ATP8B4: variants seen among roughly 807,000 people sequenced by gnomAD.
ATP8B4 encodes the protein probable phospholipid-transporting ATPase IM.
Under a neutral mutation model 145.6 loss-of-function variants are expected in ATP8B4, and 133 were observed. The observed-to-expected ratio is 0.91, with a 90% confidence interval of 0.79 to 1.05. ATP8B4 has a LOEUF of 1.05. Among genes scored for constraint, ATP8B4 ranks in the 50% least tolerant of loss-of-function variants. The pLI is 0.00. For missense variants in ATP8B4, 1,458 were observed against 1,425.2 expected (o/e 1.02, Z -0.37); for synonymous variants, 507 against 492.9 (o/e 1.03, Z -0.38).
Position 49,975,872 on chromosome 15 carries a change from T to TCC in ATP8B4, c.1035-3083_1035-3082insGG, listed in dbSNP as rs2045612464. On this transcript the variant is annotated intron_variant, in intron 12 of 27. Transcript: ENST00000284509. ...ATATTTCAGTTTCACGTCTTTGTAA[T>TCC]TTACAAGGATATCCAGAACAGTAGA... Among the ~76,000 whole-genome samples, 7 of 152,266 alleles carry TCC rather than the reference T, an allele frequency of 4.6e-5. No individual in the cohort carries two copies. In the South Asian group the frequency reaches 1.0e-3, roughly 23 times the overall value.
chr15:50,098,438 C>T (rs1334296138), intron 2 of ATP8B4, among the ~76,000 whole-genome samples: 1 of 151,572 alleles, frequency 6.6e-6, no homozygotes, highest in East Asian at 1.9e-4. Context: ...AACCATGCCA[C>T]CATGCCCAGC....
At chr15:50,180,692 CG>C (rs1054418273) in intron 1 of ATP8B4, among the ~76,000 whole-genome samples, 60 of 152,156 alleles carry the variant, frequency 3.9e-4, no homozygotes, top group African/African-American at 1.4e-3. Context: ...TGGTTTCTGT[CG>C]GGCCCTCACT....
At chr15:50,042,059 G>A (rs1458028418) in intron 5 of ATP8B4, among the ~76,000 whole-genome samples, 1 of 151,902 alleles carries the variant, frequency 6.6e-6, no homozygotes, top group Non-Finnish European at 1.5e-5. Flanking sequence ...GGAGGCTGAG[G>A]CAAGAGAATT....
chr15:50,177,123 C>T lies in ATP8B4; in HGVS notation c.-43+5138G>A, dbSNP rs191152643. Among the ~76,000 whole-genome samples, 7 of 152,302 alleles carry T rather than the reference C, an allele frequency of 4.6e-5. No homozygotes were observed. The East Asian group carries it at 1.3e-3, about 29-fold the overall frequency. On this transcript the variant is annotated intron_variant, in intron 1 of 3. Coordinates refer to the ATP8B4 transcript ENST00000558829. ...CAGAGATTATTCTTCCCACAAACCA[C>T]TGAATGAGTCAGTCACACAAAATTT...
At chr15:49,906,824 G>C (rs1481701662) in intron 20 of ATP8B4, among the ~76,000 whole-genome samples, 1 of 152,190 alleles carries the variant, frequency 6.6e-6, no homozygotes, top group Non-Finnish European at 1.5e-5. Context: ...CCTAGGGAAA[G>C]GGGACTTTGA....
intron 1 of ATP8B4, among the ~76,000 whole-genome samples, chr15:50,141,962 T>C (rs1467911287): frequency 6.6e-6 from 1 of 152,110 alleles, no homozygotes. Flanking sequence ...GGAGGGCACA[T>C]AAGGCTTCAC....
intron 6 of ATP8B4, among the ~76,000 whole-genome samples, chr15:50,024,662 G>A (rs1232847043): frequency 6.6e-6 from 1 of 152,216 alleles, no homozygotes; most frequent in Admixed American, 6.5e-5. Context: ...CTTCTCCACT[G>A]GGTGTCTAGG....
chr15:50,132,104 C>T (rs1273491899), intron 1 of ATP8B4, among the ~76,000 whole-genome samples: 1 of 151,972 alleles, frequency 6.6e-6, no homozygotes, highest in African/African-American at 2.4e-5. Flanking sequence ...TTTGGCACCC[C>T]CGAAACCAAC....
intron 14 of ATP8B4, among the ~76,000 whole-genome samples, chr15:49,945,374 T>A (rs1445330090): frequency 6.6e-6 from 1 of 152,092 alleles, no homozygotes; most frequent in African/African-American, 2.4e-5. Context: ...ATCTGAAACC[T>A]CCTGACAAAG....
intron 1 of ATP8B4, among the ~76,000 whole-genome samples, chr15:50,161,569 A>C (rs149834514): frequency 0.013 from 1,901 of 152,032 alleles, 51 homozygotes; most frequent in Non-Finnish European, 0.011. Flanking sequence ...CTTGTAAATA[A>C]TATGTCATAA....
intron 14 of ATP8B4, among the ~76,000 whole-genome samples, chr15:49,936,324 A>G (rs2041732951): frequency 6.6e-6 from 1 of 152,148 alleles, no homozygotes; most frequent in South Asian, 2.1e-4. Flanking sequence ...TTGTTGTAGC[A>G]TATCTTAAAC....
At chr15:50,029,255 A>AAAAAAAAAAAAAC (rs776952913) in intron 6 of ATP8B4, among the ~76,000 whole-genome samples, 67 of 141,098 alleles carry the variant, frequency 4.7e-4, no homozygotes, top group African/African-American at 6.1e-4. Context: ...AAAAAAAAAA[A>AAAAAAAAAAAAAC]AACAGAAAAA....
chr15:50,087,225 ATATT>A (rs1185205128), intron 2 of ATP8B4, among the ~76,000 whole-genome samples: 81 of 132,486 alleles, frequency 6.1e-4, no homozygotes, highest in African/African-American at 1.8e-3. Flanking sequence ...ATATAGATCT[ATATT>A]TATTATATAT....
intron 23 of ATP8B4, among the ~76,000 whole-genome samples, chr15:49,885,010 A>G (rs1598908956): frequency 1.3e-5 from 2 of 152,318 alleles, no homozygotes; most frequent in South Asian, 2.1e-4. Context: ...GATTTAAAAT[A>G]ACAACATTAG....
intron 3 of ATP8B4, among the ~76,000 whole-genome samples, chr15:50,072,948 CT>C (rs2053862784): frequency 3.7e-5 from 1 of 27,350 alleles, no homozygotes; most frequent in African/African-American, 1.6e-4. Flanking sequence ...CTCTCTCTCT[CT>C]CTCTCTCTCT....
intron 23 of ATP8B4, among the ~76,000 whole-genome samples, chr15:49,884,358 T>G (rs1285003818): frequency 6.6e-6 from 1 of 151,818 alleles, no homozygotes; most frequent in Non-Finnish European, 1.5e-5. Context: ...TCCCAACACT[T>G]TGGGGGTCGA....
chr15:49,966,422 G>C (rs538613084), intron 13 of ATP8B4, among the ~76,000 whole-genome samples: 1 of 152,142 alleles, frequency 6.6e-6, no homozygotes, highest in Non-Finnish European at 1.5e-5. Flanking sequence ...TGGGACGCTC[G>C]AACTTGGTGG....
chr15:50,056,956 C>T (rs532591962), intron 3 of ATP8B4, among the ~76,000 whole-genome samples: 1 of 152,024 alleles, frequency 6.6e-6, no homozygotes, highest in Admixed American at 6.6e-5. Flanking sequence ...GAACTCCTGG[C>T]CTCAGGTGAT....
chr15:50,102,065 A>C (rs2056390959), intron 2 of ATP8B4, among the ~76,000 whole-genome samples: 1 of 152,150 alleles, frequency 6.6e-6, no homozygotes, highest in Non-Finnish European at 1.5e-5. Context: ...GACACAACCT[A>C]ACAAAACCTC....
Sources: allele counts gnomAD v4.1 joint callset (sites outside exome capture counted in the v4.1 genomes callset), GRCh38; gene constraint gnomAD v4.1.1; transcripts MANE v1.5; gene names NCBI Gene and HGNC (gene_info 2026-07-23, HGNC 2026-07-21).